The following GABRB1 variants were observed in gnomAD, a reference collection of about 807,000 sequenced individuals.
The protein encoded by GABRB1 is gamma-aminobutyric acid type A receptor subunit beta1.
Under a neutral mutation model 51.6 loss-of-function variants are expected in GABRB1, and 17 were observed. The observed-to-expected ratio is 0.33, with a 90% CI of 0.23 to 0.49. The LOEUF is 0.49. GABRB1 is among the 20% of genes least tolerant of loss of function. The probability of loss-of-function intolerance (pLI) is 0.99; values close to 1 mark genes in which losing one functional copy is unlikely to be tolerated. For missense variants in GABRB1, 410 were observed against 600.6 expected (o/e 0.68, Z 3.32); for synonymous variants, 247 against 218.9 (o/e 1.13, Z -1.14).
intron 3 of GABRB1, among the ~76,000 whole-genome samples, chr4:47,131,343 G>A (rs1040395646): frequency 6.6e-6 from 1 of 152,086 alleles, no homozygotes. Flanking sequence ...ATTTTTAGTG[G>A]AGATGGGGTT....
At chr4:47,298,653 G>A (rs1382195649) in intron 4 of GABRB1, among the ~76,000 whole-genome samples, 1 of 152,158 alleles carries the variant, frequency 6.6e-6, no homozygotes, top group Admixed American at 6.5e-5. Context: ...CGTAAAAATG[G>A]CCATGCTGCC....
intron 4 of GABRB1, among the ~76,000 whole-genome samples, chr4:47,278,723 G>A (rs1723171511): frequency 6.6e-6 from 1 of 152,066 alleles, no homozygotes; most frequent in African/African-American, 2.4e-5. Flanking sequence ...TTTCTCATGT[G>A]ATGCCAATTC....
intron 7 of GABRB1, among the ~76,000 whole-genome samples, chr4:47,405,266 C>A (rs139507469): frequency 1.5e-3 from 232 of 152,268 alleles, no homozygotes; most frequent in African/African-American, 5.2e-3. Flanking sequence ...TAGCCCTGAC[C>A]TCCTACTTTA....
At chr4:47,350,263 A>ATG (rs1381812712) in intron 5 of GABRB1, among the ~76,000 whole-genome samples, 42 of 131,708 alleles carry the variant, frequency 3.2e-4, no homozygotes, top group African/African-American at 1.0e-3. Context: ...GCATTCATTA[A>ATG]TGTGTGTATA....
At chr4:47,295,543 A>C (rs1234622604) in intron 4 of GABRB1, among the ~76,000 whole-genome samples, 2 of 152,194 alleles carry the variant, frequency 1.3e-5, no homozygotes, top group Admixed American at 6.5e-5. Context: ...TGAAGCGAGA[A>C]GGGAAGTTTA....
At chr4:47,001,300 G>T (rs6447523) in intron 1 of GABRB1, among the ~76,000 whole-genome samples, 1 of 151,450 alleles carries the variant, frequency 6.6e-6, no homozygotes, top group African/African-American at 2.4e-5. Flanking sequence ...CCCCCACCAC[G>T]CCCAGCTAAT....
At chr4:47,061,730 C>T (rs1326978012) in intron 3 of GABRB1, among the ~76,000 whole-genome samples, 2 of 152,126 alleles carry the variant, frequency 1.3e-5, no homozygotes, top group Non-Finnish European at 2.9e-5. Context: ...AGTAATTCCT[C>T]TGTGGGGGGT....
chr4:47,372,721 T>C (rs926829860), intron 5 of GABRB1, among the ~76,000 whole-genome samples: 1 of 152,160 alleles, frequency 6.6e-6, no homozygotes, highest in Non-Finnish European at 1.5e-5. Context: ...GTGCCAGATG[T>C]CGATGCTTCC....
intron 3 of GABRB1, among the ~76,000 whole-genome samples, chr4:47,127,363 T>C (rs1180554151): frequency 6.6e-6 from 1 of 151,858 alleles, no homozygotes; most frequent in African/African-American, 2.4e-5. Context: ...CATACATATC[T>C]GAAATTGTTT....
At chr4:47,075,710 T>C (rs1188346951) in intron 3 of GABRB1, among the ~76,000 whole-genome samples, 1 of 152,156 alleles carries the variant, frequency 6.6e-6, no homozygotes, top group Non-Finnish European at 1.5e-5. Flanking sequence ...TATGGAATCA[T>C]ACAAAATATT....
intron 8 of GABRB1, among the ~76,000 whole-genome samples, chr4:47,417,264 A>G (rs1728957009): frequency 6.6e-6 from 1 of 151,742 alleles, no homozygotes; most frequent in Non-Finnish European, 1.5e-5. Flanking sequence ...CCACAGCCTT[A>G]TTTTTGTTTT....
At position 47,350,836 on chromosome 4, in the gene GABRB1, C is replaced by T. The variant is rs116001736; in HGVS notation, c.544+30627C>T. Among the ~76,000 whole-genome samples the T allele has an allele frequency of 2.3e-4, 35 of 152,202 alleles. No individual in the cohort carries two copies. In the East Asian group the frequency reaches 5.6e-3, roughly 24 times the overall value. ...TGAAATATTTCATGACCCTGATCAA[C>T]GTGAACACTTAACTTTCACATGATT... On this transcript the variant is annotated intron_variant, in intron 5 of 8. Transcript: ENST00000295454.
intron 5 of GABRB1, among the ~76,000 whole-genome samples, chr4:47,388,521 G>A (rs1457005401): frequency 6.6e-6 from 1 of 152,156 alleles, no homozygotes; most frequent in Non-Finnish European, 1.5e-5. Flanking sequence ...AGAAAACATG[G>A]TTGGATTCTA....
chr4:47,352,164 T>A (rs1429412676), intron 5 of GABRB1, among the ~76,000 whole-genome samples: 4 of 152,226 alleles, frequency 2.6e-5, no homozygotes, highest in African/African-American at 9.6e-5. Context: ...TGGCCAGTGA[T>A]GACGAGCATT....
At chr4:47,076,347 C>A (rs1727548148) in intron 3 of GABRB1, among the ~76,000 whole-genome samples, 1 of 152,198 alleles carries the variant, frequency 6.6e-6, no homozygotes, top group African/African-American at 2.4e-5. Flanking sequence ...GCCAGATGTC[C>A]TTTGGATATA....
intron 4 of GABRB1, among the ~76,000 whole-genome samples, chr4:47,226,381 A>G (rs968497960): frequency 6.6e-6 from 1 of 152,192 alleles, no homozygotes; most frequent in African/African-American, 2.4e-5. Context: ...AGACGAAAGA[A>G]TATTACAGGT....
intron 5 of GABRB1, among the ~76,000 whole-genome samples, chr4:47,397,027 T>G (rs879894926): frequency 2.9e-4 from 44 of 152,286 alleles, no homozygotes; most frequent in Middle Eastern, 6.8e-3. Context: ...TTGTAGAAGT[T>G]TTTTATATAT....
At chr4:47,330,129 G>A (rs1725423526) in intron 5 of GABRB1, among the ~76,000 whole-genome samples, 4 of 152,180 alleles carry the variant, frequency 2.6e-5, no homozygotes, top group African/African-American at 9.6e-5. Context: ...TAGTCAGACA[G>A]GAGGAATTGT....
At chr4:47,277,701 A>T (rs1200708139) in intron 4 of GABRB1, among the ~76,000 whole-genome samples, 1 of 152,072 alleles carries the variant, frequency 6.6e-6, no homozygotes, top group East Asian at 1.9e-4. Context: ...AAAAAGGAGA[A>T]GAAAAAACAT....
Sources: gnomAD v4.1 joint callset for allele counts (sites outside exome capture counted in the v4.1 genomes callset) on GRCh38, gnomAD v4.1.1 for gene constraint, MANE v1.5 for transcripts, NCBI Gene and HGNC (gene_info 2026-07-23, HGNC 2026-07-21) for gene names.